STAG1: variants seen among roughly 807,000 people sequenced by gnomAD.
STAG1 encodes the protein cohesin subunit SA-1.
Under a neutral mutation model 170.9 loss-of-function variants are expected in STAG1, and 26 were observed. The observed-to-expected ratio is 0.15, with a 90% CI of 0.11 to 0.21. The LOEUF is 0.21. Among genes scored for constraint, STAG1 ranks in the 10% least tolerant of loss-of-function variants. The pLI is 1.00. For synonymous variants in STAG1, 514 were observed against 497.7 expected, an observed-to-expected ratio of 1.03 and a Z score of -0.44; for missense variants, 964 against 1,509.5, an observed-to-expected ratio of 0.64 and a Z score of 5.99.
intron 5 of STAG1, among the ~76,000 whole-genome samples, chr3:136,555,332 C>T (rs1407901634): frequency 2.6e-5 from 4 of 150,964 alleles, no homozygotes; most frequent in East Asian, 3.9e-4. Context: ...GGAAACATAG[C>T]GAGTCTCTAA....
chr3:136,423,597 T>C (rs1211536611), intron 16 of STAG1, among the ~76,000 whole-genome samples: 1 of 152,218 alleles, frequency 6.6e-6, no homozygotes, highest in Non-Finnish European at 1.5e-5. Context: ...CTAATGCTCA[T>C]CACTTTAGCC....
intron 14 of STAG1, among the ~76,000 whole-genome samples, chr3:136,443,953 A>G (rs1209778545): frequency 6.6e-6 from 1 of 152,028 alleles, no homozygotes; most frequent in Non-Finnish European, 1.5e-5. Flanking sequence ...GTTGGTCATT[A>G]TTCTCTTGAC....
intron 6 of STAG1, among the ~76,000 whole-genome samples, chr3:136,526,605 A>G (rs1042967957): frequency 3.9e-5 from 6 of 152,136 alleles, no homozygotes; most frequent in Admixed American, 1.3e-4. Context: ...ATTTAAGGTT[A>G]ATATTGTTAT....
chr3:136,447,663 G>C (rs2088823831), intron 14 of STAG1, among the ~76,000 whole-genome samples: 1 of 137,280 alleles, frequency 7.3e-6, no homozygotes, highest in Admixed American at 7.8e-5. Flanking sequence ...CTGGAGGGCA[G>C]TGGTGCGATC....
At chr3:136,434,376 T>C (rs2088394789) in intron 15 of STAG1, among the ~76,000 whole-genome samples, 1 of 152,178 alleles carries the variant, frequency 6.6e-6, no homozygotes. Flanking sequence ...ATTTTAATTT[T>C]TGCCAGTCCA....
At chr3:136,414,895 A>G (rs2087729571) in intron 21 of STAG1, among the ~76,000 whole-genome samples, 1 of 152,140 alleles carries the variant, frequency 6.6e-6, no homozygotes, top group Non-Finnish European at 1.5e-5. Flanking sequence ...GTTTTGTCTC[A>G]GGGAATAGGG....
At chr3:136,603,279 C>T (rs1470313958) in intron 4 of STAG1, among the ~76,000 whole-genome samples, 1 of 151,892 alleles carries the variant, frequency 6.6e-6, no homozygotes, top group Non-Finnish European at 1.5e-5. Context: ...GCAACCTCCA[C>T]CTCCTGGGTT....
chr3:136,468,516 T>C (rs1397055465), intron 12 of STAG1, among the ~76,000 whole-genome samples: 1 of 152,130 alleles, frequency 6.6e-6, no homozygotes, highest in African/African-American at 2.4e-5. Context: ...CAATACTTAA[T>C]AGCCTACCAA....
intron 5 of STAG1, 61 bp from the exon 6 acceptor site, chr3:136,542,256 T>C: frequency 9.0e-6 from 11 of 1,225,218 alleles, no homozygotes; most frequent in Non-Finnish European, 1.3e-5. Flanking sequence ...ATTTCCACTC[T>C]CTCAAGCATT....
rs1437498748 is a variant in STAG1, at chr3:136,521,379, C to T, written c.510G>A (p.Gln170=). ...AAAAGTTTGAACGAAATTTTTTCCA[C>T]TGAGGTCCAGGCATGGTAAGAGGAT... ...GDYPLTMPGP[Q]WKKFRSNFCE... is the part of the protein sequence containing the mutation. The change falls in exon 7 of 34, where the codon CAG becomes CAA. Residue 170 remains glutamine, a synonymous_variant. Transcript: ENST00000383202. 1.2e-6 allele frequency: 2 copies of T among 1,613,480 alleles called. No homozygotes were observed. Among genetic ancestry groups the T allele is most frequent in the East Asian group, 2.2e-5 (1 of 44,854 alleles).
intron 1 of STAG1, among the ~76,000 whole-genome samples, chr3:136,689,100 T>G (rs1222932407): frequency 2.6e-5 from 4 of 152,234 alleles, no homozygotes; most frequent in African/African-American, 9.6e-5. Flanking sequence ...ACTATGAACT[T>G]CAAGGGGAGT....
chr3:136,557,765 C>T (rs1936685753), intron 5 of STAG1, among the ~76,000 whole-genome samples: 1 of 152,074 alleles, frequency 6.6e-6, no homozygotes, highest in Admixed American at 6.6e-5. Context: ...TCTTGAACAC[C>T]TGACCTCAAG....
At chr3:136,567,075 T>C (rs1332586481) in intron 5 of STAG1, among the ~76,000 whole-genome samples, 2 of 152,322 alleles carry the variant, frequency 1.3e-5, no homozygotes, top group South Asian at 2.1e-4. Context: ...TAACTATGTG[T>C]AGATGGATGG....
chr3:136,365,335 T>C (rs552707854), intron 25 of STAG1, among the ~76,000 whole-genome samples: 13 of 152,324 alleles, frequency 8.5e-5, no homozygotes, highest in South Asian at 2.1e-4. Context: ...TTGTTCCGAA[T>C]TGAATTAGTT....
At chr3:136,727,592 G>A (rs1933760268) in intron 1 of STAG1, among the ~76,000 whole-genome samples, 1 of 152,266 alleles carries the variant, frequency 6.6e-6, no homozygotes, top group East Asian at 1.9e-4. Flanking sequence ...ATATAGTTAA[G>A]GATGGAACTC....
At chr3:136,628,295 A>G (rs1268518072) in intron 2 of STAG1, among the ~76,000 whole-genome samples, 1 of 152,122 alleles carries the variant, frequency 6.6e-6, no homozygotes, top group Non-Finnish European at 1.5e-5. Flanking sequence ...TTTCTTCATA[A>G]ATTACCCAGT....
intron 21 of STAG1, among the ~76,000 whole-genome samples, chr3:136,411,251 A>C (rs1368068895): frequency 6.6e-6 from 1 of 152,214 alleles, no homozygotes; most frequent in Non-Finnish European, 1.5e-5. Context: ...AGGGTTGTAC[A>C]AACTATAAAG....
chr3:136,394,784 C>G (rs1028475961), intron 22 of STAG1, among the ~76,000 whole-genome samples: 1 of 151,822 alleles, frequency 6.6e-6, no homozygotes, highest in Non-Finnish European at 1.5e-5. Flanking sequence ...GAAACCCCGT[C>G]TCTACTAAAC....
Position 136,542,107 on chromosome 3 carries a change from G to A in STAG1, c.471+12C>T. On this transcript the variant is annotated intron_variant, in intron 6 of 33. Coordinates refer to ENST00000383202, the MANE Select transcript of STAG1 (RefSeq NM_005862.3). The stretch of plus-strand genomic sequence containing the variant: ...TAAGTAAGCAATTTGTATGAATATT[G>A]GAATGCTATACCTCATCAAATTCTT... 1.3e-6 allele frequency: 2 copies of A among 1,590,610 alleles called. No individual in the cohort carries two copies. The highest frequency in any genetic ancestry group is 1.7e-6 in the Non-Finnish European group (2 of 1,164,070).
Sources: gnomAD v4.1 joint callset for allele counts (sites outside exome capture counted in the v4.1 genomes callset) on GRCh38, gnomAD v4.1.1 for gene constraint, MANE v1.5 for transcripts, NCBI Gene and HGNC (gene_info 2026-07-23, HGNC 2026-07-21) for gene names.